Variants in HS6ST3 observed in about 807,000 individuals in gnomAD.
The protein encoded by HS6ST3 is heparan-sulfate 6-O-sulfotransferase 3.
A neutral mutation model predicts 36.7 loss-of-function variants in HS6ST3; 12 were observed. That is an observed-to-expected ratio of 0.33 (90% CI 0.21 to 0.53). The LOEUF (loss-of-function observed/expected upper bound fraction) is 0.53. HS6ST3 is among the 20% of genes least tolerant of loss of function. HS6ST3 has a pLI of 0.95. For synonymous variants in HS6ST3, 240 were observed against 257.5 expected (o/e 0.93, Z 0.65); for missense variants, 584 against 640.9 (o/e 0.91, Z 0.96).
intron 1 of HS6ST3, among the ~76,000 whole-genome samples, chr13:96,140,217 CAT>C (rs750865155): frequency 6.6e-5 from 10 of 152,076 alleles, no homozygotes; most frequent in Non-Finnish European, 1.3e-4. Flanking sequence ...TGTAAACAAA[CAT>C]AAAGGTGCAG....
intron 1 of HS6ST3, among the ~76,000 whole-genome samples, chr13:96,491,698 A>G (rs2055946660): frequency 6.6e-6 from 1 of 152,058 alleles, no homozygotes; most frequent in Admixed American, 6.6e-5. Context: ...GCTATTAGCA[A>G]TATTTCCTAC....
intron 1 of HS6ST3, among the ~76,000 whole-genome samples, chr13:96,303,243 T>C (rs1213618397): frequency 6.6e-6 from 1 of 152,204 alleles, no homozygotes; most frequent in Non-Finnish European, 1.5e-5. Context: ...TTTGTGAATA[T>C]TGAATTCGCA....
In HS6ST3 at chr13:96,091,043, C is replaced by G; in HGVS notation, c.181C>G (p.Pro61Ala). The part of the protein sequence containing the change: ...VPGPARRAQA[P>A]PEEWERRPQL... ...GGGTCCCGCCCGCCGGGCTCAGGCG[C>G]CGCCGGAGGAGTGGGAGCGGCGGCC... The change falls in exon 1 of 2, where the codon CCG becomes GCG. Residue 61 changes from proline to alanine, a missense_variant. This residue lies in a region of HS6ST3 where 217 missense variants were observed against 205.4 expected (regional missense o/e 1.06). Transcript: ENST00000376705. 1 of 1,254,148 alleles carries G rather than the reference C, an allele frequency of 8.0e-7. No individual in the cohort carries two copies. The highest frequency in any genetic ancestry group is 1.0e-6 in the Non-Finnish European group (1 of 1,000,394). The allele number at this position is 1,254,148 out of a possible 1,614,324, so 77.7% of individuals were successfully genotyped here. A position where few individuals can be genotyped will look rare whatever the true frequency, so the allele number is the denominator to read the frequency against.
chr13:96,583,845 C>A (rs1401760981), intron 1 of HS6ST3, among the ~76,000 whole-genome samples: 1 of 152,162 alleles, frequency 6.6e-6, no homozygotes, highest in Non-Finnish European at 1.5e-5. Context: ...AACCTCTACG[C>A]TATTGAGATT....
intron 1 of HS6ST3, among the ~76,000 whole-genome samples, chr13:96,503,544 G>T (rs970216712): frequency 2.0e-5 from 3 of 152,170 alleles, no homozygotes; most frequent in African/African-American, 7.2e-5. Flanking sequence ...AGTAGGAAGA[G>T]TGGGATTTAT....
chr13:96,161,667 T>C (rs768485170), intron 1 of HS6ST3, among the ~76,000 whole-genome samples: 1 of 152,208 alleles, frequency 6.6e-6, no homozygotes, highest in Non-Finnish European at 1.5e-5. Flanking sequence ...TTCTGAAATC[T>C]TCCCTTCCCA....
At chr13:96,726,460 T>A (rs970683528) in intron 1 of HS6ST3, among the ~76,000 whole-genome samples, 1 of 152,220 alleles carries the variant, frequency 6.6e-6, no homozygotes, top group African/African-American at 2.4e-5. Context: ...AAGTATTTCA[T>A]ATTTTTGATA....
In HS6ST3 at chr13:96,303,952, G is replaced by A. The variant is rs916644943; in HGVS notation, c.707+212383G>A. Among the ~76,000 whole-genome samples, 3 of 152,128 alleles carry A rather than the reference G, an allele frequency of 2.0e-5. No individual in the cohort carries two copies. The East Asian group carries it at 5.8e-4, about 29-fold the overall frequency. Reference sequence around the variant, plus strand: ...GAGGTCAGGAGTTCGAGACCAGTCTGGCCAATATGGCAAAACCCCATCTTT... The same window carrying A: ...GAGGTCAGGAGTTCGAGACCAGTCTAGCCAATATGGCAAAACCCCATCTTT... On this transcript the variant is annotated intron_variant, in intron 1 of 1. Coordinates refer to ENST00000376705, the MANE Select transcript of HS6ST3 (RefSeq NM_153456.4).
At chr13:96,190,921 A>T (rs1302528908) in intron 1 of HS6ST3, among the ~76,000 whole-genome samples, 1 of 111,808 alleles carries the variant, frequency 8.9e-6, no homozygotes, top group East Asian at 2.3e-4. Flanking sequence ...TGAGTGACAC[A>T]AGGCTAGATG....
At chr13:96,692,899 A>G (rs998476917) in intron 1 of HS6ST3, among the ~76,000 whole-genome samples, 8 of 152,108 alleles carry the variant, frequency 5.3e-5, no homozygotes, top group Admixed American at 1.3e-4. Context: ...TTTCTAATGT[A>G]CTATTTGAGG....
At chr13:96,262,923 T>G (rs2054673639) in intron 1 of HS6ST3, among the ~76,000 whole-genome samples, 1 of 152,204 alleles carries the variant, frequency 6.6e-6, no homozygotes, top group Non-Finnish European at 1.5e-5. Context: ...TCAGACGTAT[T>G]TGTTCATCTG....
intron 1 of HS6ST3, among the ~76,000 whole-genome samples, chr13:96,405,301 T>A (rs965852664): frequency 1.3e-5 from 2 of 152,240 alleles, no homozygotes; most frequent in Non-Finnish European, 2.9e-5. Context: ...CATATAGACA[T>A]GTAAATTTTT....
intron 1 of HS6ST3, among the ~76,000 whole-genome samples, chr13:96,594,090 A>G (rs1480564865): frequency 6.6e-6 from 1 of 151,956 alleles, no homozygotes; most frequent in East Asian, 1.9e-4. Context: ...CTCCTGCCTC[A>G]GCCTCCTGAG....
chr13:96,453,377 C>A (rs2055739409), intron 1 of HS6ST3, among the ~76,000 whole-genome samples: 1 of 152,072 alleles, frequency 6.6e-6, no homozygotes. Flanking sequence ...GGCTATTATT[C>A]CACTTTGTAA....
At chr13:96,173,313 C>T (rs979752978) in intron 1 of HS6ST3, among the ~76,000 whole-genome samples, 2 of 152,108 alleles carry the variant, frequency 1.3e-5, no homozygotes, top group Non-Finnish European at 2.9e-5. Context: ...TAGCAAAGAT[C>T]CTTCCTAGGA....
At chr13:96,259,337 A>G (rs984093374) in intron 1 of HS6ST3, among the ~76,000 whole-genome samples, 8 of 152,148 alleles carry the variant, frequency 5.3e-5, no homozygotes, top group African/African-American at 1.9e-4. Flanking sequence ...GCAAGTACTG[A>G]CAGGCACAGA....
intron 1 of HS6ST3, among the ~76,000 whole-genome samples, chr13:96,279,873 A>T (rs2139393061): frequency 6.6e-6 from 1 of 152,298 alleles, no homozygotes; most frequent in Non-Finnish European, 1.5e-5. Flanking sequence ...GTGTCACCTC[A>T]TAAAACTATA....
intron 1 of HS6ST3, among the ~76,000 whole-genome samples, chr13:96,693,514 G>T (rs1329134671): frequency 2.0e-5 from 3 of 152,092 alleles, no homozygotes; most frequent in African/African-American, 7.2e-5. Flanking sequence ...TGTTGGTCAG[G>T]CTGGTCTTGA....
At chr13:96,173,804 A>G (rs905969332) in intron 1 of HS6ST3, among the ~76,000 whole-genome samples, 18 of 143,082 alleles carry the variant, frequency 1.3e-4, no homozygotes, top group Non-Finnish European at 2.7e-4. Flanking sequence ...TGCATTCCAA[A>G]TTAAGCACCT....
Sources: gnomAD v4.1 joint callset for allele counts (sites outside exome capture counted in the v4.1 genomes callset) on GRCh38, gnomAD v4.1.1 for gene constraint, gnomAD v4.1.1 regional missense constraint, MANE v1.5 for transcripts, NCBI Gene and HGNC (gene_info 2026-07-23, HGNC 2026-07-21) for gene names.